Variants in TENM1 observed in about 807,000 individuals in gnomAD.
TENM1 encodes the protein teneurin-1.
A neutral mutation model predicts 174.8 loss-of-function variants in TENM1; 35 were observed. The ratio of observed to expected loss-of-function variants is 0.20; its 90% CI spans 0.15 to 0.27. The LOEUF (loss-of-function observed/expected upper bound fraction) is 0.27, where lower values mean the gene tolerates loss of function less well. Ranked by LOEUF, TENM1 falls within the 10% of genes least tolerant of loss-of-function variation. TENM1 has a pLI of 1.00. For synonymous variants in TENM1, 781 were observed against 798.7 expected (o/e 0.98, Z 0.37); for missense variants, 1,633 against 2,130.1 (o/e 0.77, Z 4.59).
At chrX:125,129,593 AC>A in the TENM1 span, among the ~76,000 whole-genome samples, 1 of 105,106 alleles carries the variant, frequency 9.5e-6, no homozygotes, top group Admixed American at 1.0e-4. Context: ...ACTTCCCCCC[AC>A]CCCCATTACC....
the TENM1 span, among the ~76,000 whole-genome samples, chrX:125,009,218 A>C: frequency 9.2e-6 from 1 of 109,274 alleles, no homozygotes; most frequent in Non-Finnish European, 1.9e-5. Context: ...CACTGCCCCC[A>C]CAGAAATACA....
chrX:124,809,586 T>C (rs1372517461), intron 3 of TENM1, among the ~76,000 whole-genome samples: 1 of 111,500 alleles, frequency 9.0e-6, no homozygotes, highest in African/African-American at 3.3e-5. Flanking sequence ...AAACATATGA[T>C]AATTTCAATA....
chrX:125,178,670 GC>G, the TENM1 span, among the ~76,000 whole-genome samples: 1 of 111,930 alleles, frequency 8.9e-6, no homozygotes, highest in African/African-American at 3.2e-5. Context: ...CGTAGAGAAA[GC>G]TAGGTCACAC....
At chrX:124,936,908 T>C (rs1417845197) in intron 1 of TENM1, among the ~76,000 whole-genome samples, 1 of 110,632 alleles carries the variant, frequency 9.0e-6, no homozygotes, top group Non-Finnish European at 1.9e-5. Flanking sequence ...TAACTGGGCG[T>C]GGTGGCACAT....
At chrX:124,849,289 C>A (rs2056671968) in intron 3 of TENM1, among the ~76,000 whole-genome samples, 1 of 111,316 alleles carries the variant, frequency 9.0e-6, no homozygotes, top group Admixed American at 9.5e-5. Flanking sequence ...AGTTTGAGTA[C>A]AACCTGTAAC....
intron 22 of TENM1, among the ~76,000 whole-genome samples, 174 bp downstream of exon 25, chrX:124,481,558 C>T (rs974959864): frequency 9.2e-6 from 1 of 108,506 alleles, no homozygotes; most frequent in African/African-American, 3.4e-5. Context: ...GCATTATGTG[C>T]CTTGGATGTG....
At chrX:124,547,826 C>T (rs1602639024) in intron 14 of TENM1, among the ~76,000 whole-genome samples, 2 of 111,588 alleles carry the variant, frequency 1.8e-5, no homozygotes, top group Non-Finnish European at 3.8e-5. Context: ...TTTTTTGATG[C>T]AATTACTATT....
At chrX:124,920,566 T>C (rs934404964) in intron 1 of TENM1, among the ~76,000 whole-genome samples, 1 of 111,578 alleles carries the variant, frequency 9.0e-6, no homozygotes, top group African/African-American at 3.3e-5. Context: ...ACAATGCATG[T>C]GCTTTTTGAA....
At chrX:125,118,837 A>G in the TENM1 span, among the ~76,000 whole-genome samples, 235 of 112,013 alleles carry the variant, frequency 2.1e-3, 1 homozygote, top group African/African-American at 7.3e-3. Flanking sequence ...AAAAAAGTAA[A>G]TACTGTATTA....
At chrX:124,382,526 TAC>T in intron 31 of TENM1, 142 bp downstream of exon 34, 1 of 528,250 alleles carries the variant, frequency 1.9e-6, no homozygotes, top group Non-Finnish European at 2.9e-6. Flanking sequence ...GCTTTTTTTA[TAC>T]CTTCTCATTA....
chrX:125,013,424 G>A, the TENM1 span, among the ~76,000 whole-genome samples: 2 of 111,519 alleles, frequency 1.8e-5, no homozygotes, highest in Non-Finnish European at 3.8e-5. Flanking sequence ...ATAGTAATCA[G>A]TACTGAATAT....
chrX:125,058,077 G>C, the TENM1 span, among the ~76,000 whole-genome samples: 1 of 111,996 alleles, frequency 8.9e-6, no homozygotes, highest in African/African-American at 3.2e-5. Flanking sequence ...AAAAGAAAAA[G>C]TGGTGAATCT....
At chrX:124,989,803 T>C in the TENM1 span, among the ~76,000 whole-genome samples, 3 of 111,332 alleles carry the variant, frequency 2.7e-5, no homozygotes, top group Admixed American at 2.9e-4. Context: ...TTAATAACTT[T>C]CACATTCCCA....
chrX:124,778,223 A>T (rs781699532), intron 3 of TENM1, among the ~76,000 whole-genome samples: 1 of 112,731 alleles, frequency 8.9e-6, no homozygotes, highest in South Asian at 3.7e-4. Flanking sequence ...TGGGAGGACG[A>T]GGTGGAGCCC....
the TENM1 span, among the ~76,000 whole-genome samples, chrX:125,155,857 G>A: frequency 1.8e-5 from 2 of 112,408 alleles, no homozygotes; most frequent in South Asian, 7.3e-4. Context: ...AAACCTCCCC[G>A]CAAGCTGAGG....
intron 23 of TENM1, 30 bp downstream of exon 26, chrX:124,453,307 C>A: frequency 8.5e-7 from 1 of 1,178,541 alleles, no homozygotes; most frequent in South Asian, 2.0e-5. Flanking sequence ...TGCCAAATGA[C>A]AATAATACTT....
Position 124,561,836 on chromosome X carries a change from G to A in TENM1, c.2288-19C>T, listed in dbSNP as rs374782518. The A allele has an allele frequency of 3.3e-6, 4 of 1,204,524 alleles. No homozygotes were observed. Among genetic ancestry groups the A allele is most frequent in the Non-Finnish European group, 3.4e-6 (3 of 891,507 alleles). On this transcript the variant is annotated intron_variant, in intron 13 of 31. Coordinates refer to ENST00000422452, the Ensembl canonical transcript of TENM1. ...CAGCCATCTGAAAAGACATCAGAGA[G>A]TAACCATCACAGAGACATCAGAATG... is the stretch of plus-strand genomic sequence containing the variant.
chrX:124,664,027 T>C (rs1458794851), intron 6 of TENM1, among the ~76,000 whole-genome samples: 1 of 111,433 alleles, frequency 9.0e-6, no homozygotes, highest in African/African-American at 3.3e-5. Flanking sequence ...AACCTTCTGT[T>C]AGGGAAACAT....
At chrX:125,199,430 G>T in the TENM1 span, among the ~76,000 whole-genome samples, 2 of 112,404 alleles carry the variant, frequency 1.8e-5, no homozygotes, top group East Asian at 5.6e-4. Flanking sequence ...ATGTTTTTAT[G>T]TGTCCATTTT....
Sources: allele counts gnomAD v4.1 joint callset (sites outside exome capture counted in the v4.1 genomes callset), GRCh38; gene constraint gnomAD v4.1.1; transcripts MANE v1.5; gene names NCBI Gene and HGNC (gene_info 2026-07-23, HGNC 2026-07-21).